The following DCTD variants were observed in gnomAD, a reference collection of about 807,000 sequenced individuals.
The protein encoded by DCTD is dCMP deaminase.
DCTD carries 23 observed loss-of-function variants against 21.0 expected under a neutral mutation model. That is an observed-to-expected ratio of 1.09 (90% CI 0.79 to 1.55). The LOEUF (loss-of-function observed/expected upper bound fraction) is 1.55, where lower values mean the gene tolerates loss of function less well. DCTD is among the 40% of genes most tolerant of loss of function. The pLI, the probability that DCTD is intolerant of heterozygous loss-of-function variation, is 0.00. For synonymous variants in DCTD, 71 were observed against 81.1 expected, an observed-to-expected ratio of 0.88 and a Z score of 0.67; for missense variants, 224 against 230.0, an observed-to-expected ratio of 0.97 and a Z score of 0.17.
chr4:182,917,120 G>T lies in DCTD; in HGVS notation c.-8+191C>A. ...AAATCGACCCTGGAGTGACTGCGGG[G>T]ACCCCGAGCGCCCCCACCCCGCCCG... On this transcript the variant is annotated intron_variant, in intron 1 of 5. Coordinates refer to ENST00000438320, the MANE Select transcript of DCTD (RefSeq NM_001921.3). The surrounding 1 kb of genome is among the most constrained non-coding windows in gnomAD (Gnocchi z 4.9). 1 of 987,632 alleles carries T rather than the reference G, an allele frequency of 1.0e-6. No individual in the cohort carries two copies. The highest frequency in any genetic ancestry group is 1.2e-6 in the Non-Finnish European group (1 of 831,704). The allele number at this position is 987,632 out of a possible 1,614,324, so 61.2% of individuals were successfully genotyped here.
In DCTD at chr4:182,891,132, CA is replaced by C; in HGVS notation, c.*266del. On this transcript the variant is annotated 3_prime_UTR_variant, in exon 6 of 6. Coordinates refer to ENST00000438320, the MANE Select transcript of DCTD (RefSeq NM_001921.3). ...ACCAGCATCCCAGCCAGCCAGGACA[CA>C]AGAAGGGGAGGCACTCTCGTTCTAG... The C allele has an allele frequency of 2.7e-6, 1 of 363,924 alleles. No homozygotes were observed. Among genetic ancestry groups the C allele is most frequent in the Non-Finnish European group, 5.0e-6 (1 of 201,962 alleles). The allele number at this position is 363,924 out of a possible 1,614,324, so 22.5% of individuals were successfully genotyped here.
At position 182,890,733 on chromosome 4, in the gene DCTD, C is replaced by G. The variant is rs1733606142; in HGVS notation, c.*666G>C. On this transcript the variant is annotated 3_prime_UTR_variant, in exon 6 of 6. Coordinates refer to ENST00000438320, the MANE Select transcript of DCTD (RefSeq NM_001921.3). ...GCCAAAACAACAGGCGTCCCCACCC[C>G]CCAGAGGGATAATGTGCCACCACCC... 6.6e-6 allele frequency: 1 copy of G among 152,386 alleles called. No individual in the cohort carries two copies. 9.4% of individuals were successfully genotyped at this position (152,386 alleles called of 1,614,324 possible).
intron 4 of DCTD, 133 bp from the exon 5 acceptor site, chr4:182,893,260 A>G (rs900592257): frequency 1.4e-5 from 10 of 710,398 alleles, no homozygotes; most frequent in East Asian, 2.7e-5. Flanking sequence ...GACAGTGTCC[A>G]GTCACTGAAA....
chr4:182,898,854 T>C (rs1474682378), intron 3 of DCTD, among the ~76,000 whole-genome samples: 1 of 152,244 alleles, frequency 6.6e-6, no homozygotes, highest in Non-Finnish European at 1.5e-5. Flanking sequence ...TCTAAAATAA[T>C]GTTTTTCAAA....
At chr4:182,900,034 G>T (rs1026808088) in intron 3 of DCTD, among the ~76,000 whole-genome samples, 1 of 152,142 alleles carries the variant, frequency 6.6e-6, no homozygotes, top group African/African-American at 2.4e-5. Context: ...CAGATTTTGG[G>T]CCAGGTGCAG....
At chr4:182,893,729 T>A (rs922073446) in intron 4 of DCTD, among the ~76,000 whole-genome samples, 8 of 152,196 alleles carry the variant, frequency 5.3e-5, no homozygotes, top group Admixed American at 2.6e-4. Flanking sequence ...TGCCACCGCC[T>A]CCACACCTGG....
intron 3 of DCTD, among the ~76,000 whole-genome samples, chr4:182,899,123 T>C (rs904319600): frequency 2.0e-5 from 3 of 152,286 alleles, no homozygotes; most frequent in Admixed American, 2.0e-4. Flanking sequence ...ATGCGCACAG[T>C]TGGCTCTGAT....
chr4:182,916,635 C>T, intron 1 of DCTD: 1 of 999,606 alleles, frequency 1.0e-6, no homozygotes, highest in South Asian at 3.8e-5. Context: ...ACCCCCCTAA[C>T]AGGAAAAGAC....
intron 1 of DCTD, chr4:182,916,321 C>T: frequency 1.1e-6 from 1 of 946,470 alleles, no homozygotes; most frequent in Non-Finnish European, 1.3e-6. Flanking sequence ...GCAGGGAGAG[C>T]CCACGAAGGG....
At chr4:182,917,407 C>G (rs907980623), upstream of DCTD, 4 of 1,043,752 alleles carry the variant, frequency 3.8e-6, no homozygotes, top group Non-Finnish European at 4.6e-6. The surrounding 1 kb of genome is among the most constrained non-coding windows in gnomAD (Gnocchi z 4.9). Flanking sequence ...CGCCGCGGGG[C>G]CGGAAGGGGG....
chr4:182,917,207 C>G lies in DCTD; in HGVS notation c.-8+104G>C. Reference sequence around the variant, plus strand: ...CCCCCAGCGTCCGCGGCCCCAGGCCCCCGCCCGGCAGCCAGCGCCCCGCGC... The same window carrying G: ...CCCCCAGCGTCCGCGGCCCCAGGCCGCCGCCCGGCAGCCAGCGCCCCGCGC... On this transcript the variant is annotated intron_variant, in intron 1 of 5. Coordinates refer to ENST00000438320, the MANE Select transcript of DCTD (RefSeq NM_001921.3). This position sits in a 1 kb window ranked among gnomAD's most constrained non-coding sequence, Gnocchi z 4.9. The G allele has an allele frequency of 4.0e-6, 4 of 993,814 alleles. No individual in the cohort carries two copies. Among genetic ancestry groups the G allele is most frequent in the Non-Finnish European group, 4.8e-6 (4 of 836,238 alleles). 61.6% of individuals were successfully genotyped at this position (993,814 alleles called of 1,614,324 possible). A position where few individuals can be genotyped will look rare whatever the true frequency, so the allele number is the denominator to read the frequency against.
chr4:182,891,370 A>G lies in DCTD; in HGVS notation c.*29T>C, dbSNP rs1561310950. On this transcript the variant is annotated 3_prime_UTR_variant, in exon 6 of 6. Coordinates refer to ENST00000438320, the MANE Select transcript of DCTD (RefSeq NM_001921.3). Reference sequence around the variant, plus strand: ...CAACCTCTTAGAAGACGATAATCCCAATCTTCTGGAGATTGAATGAGATGT... The same window carrying G: ...CAACCTCTTAGAAGACGATAATCCCGATCTTCTGGAGATTGAATGAGATGT... 2 of 1,504,768 alleles carry G rather than the reference A, an allele frequency of 1.3e-6. No individual in the cohort carries two copies. Among genetic ancestry groups the G allele is most frequent in the Non-Finnish European group, 1.9e-6 (2 of 1,080,644 alleles). 93.2% of individuals were successfully genotyped at this position (1,504,768 alleles called of 1,614,324 possible). A position where few individuals can be genotyped will look rare whatever the true frequency, so the allele number is the denominator to read the frequency against.
chr4:182,916,465 C>T, intron 1 of DCTD: 1 of 985,658 alleles, frequency 1.0e-6, no homozygotes, highest in Non-Finnish European at 1.2e-6. Flanking sequence ...TAAAGGAAGG[C>T]AAGCATCTCC....
At chr4:182,911,883 T>G (rs972570160) in intron 3 of DCTD, among the ~76,000 whole-genome samples, 2 of 152,236 alleles carry the variant, frequency 1.3e-5, no homozygotes, top group Non-Finnish European at 2.9e-5. Flanking sequence ...CAAAAGATAC[T>G]AAGAATTTAG....
chr4:182,892,010 TACA>T (rs1189439102), intron 5 of DCTD, among the ~76,000 whole-genome samples: 1 of 151,116 alleles, frequency 6.6e-6, no homozygotes, highest in Non-Finnish European at 1.5e-5. Flanking sequence ...TCATTTCTTC[TACA>T]ACAATTAAAA....
chr4:182,896,954 C>T (rs1424029836), intron 3 of DCTD, among the ~76,000 whole-genome samples: 1 of 152,112 alleles, frequency 6.6e-6, no homozygotes, highest in African/African-American at 2.4e-5. Context: ...AATATGCTCT[C>T]CCATCTAATA....
At chr4:182,892,229 G>T (rs1240455284) in intron 5 of DCTD, among the ~76,000 whole-genome samples, 7 of 152,112 alleles carry the variant, frequency 4.6e-5, no homozygotes, top group African/African-American at 1.7e-4. Context: ...ACCATGAAGC[G>T]CTGGAAAACT....
chr4:182,898,300 C>T (rs149146556), intron 3 of DCTD, among the ~76,000 whole-genome samples: 1 of 152,300 alleles, frequency 6.6e-6, no homozygotes, highest in Non-Finnish European at 1.5e-5. Context: ...CGAGTGTGGA[C>T]AAAGAGCTTT....
At chr4:182,904,072 C>T (rs1736219520) in intron 3 of DCTD, among the ~76,000 whole-genome samples, 1 of 152,088 alleles carries the variant, frequency 6.6e-6, no homozygotes, top group South Asian at 2.1e-4. Flanking sequence ...TTCCCTCTCT[C>T]CCACTCTGCT....
Sources: allele counts gnomAD v4.1 joint callset (sites outside exome capture counted in the v4.1 genomes callset), GRCh38; gene constraint gnomAD v4.1.1; non-coding constraint Gnocchi (gnomAD v3.1); transcripts MANE v1.5; gene names NCBI Gene and HGNC (gene_info 2026-07-23, HGNC 2026-07-21).